BCL6: variants seen among roughly 807,000 people sequenced by gnomAD.
The protein encoded by BCL6 is B-cell lymphoma 6 protein.
A neutral mutation model predicts 59.5 loss-of-function variants in BCL6; 7 were observed. The observed-to-expected ratio is 0.12, with a 90% confidence interval of 0.07 to 0.22. The LOEUF is 0.22. BCL6 is among the 10% of genes least tolerant of loss of function. BCL6 has a pLI of 1.00. For missense variants in BCL6, 685 were observed against 939.4 expected, an observed-to-expected ratio of 0.73 and a Z score of 3.54; for synonymous variants, 339 against 349.7, an observed-to-expected ratio of 0.97 and a Z score of 0.34.
Position 187,735,358 on chromosome 3 carries a change from G to A in BCL6, c.-49-451C>T, listed in dbSNP as rs75479652. On this transcript the variant is annotated intron_variant, in intron 1 of 9. Coordinates refer to ENST00000406870, the MANE Select transcript of BCL6 (RefSeq NM_001706.5). ...ATCTTTCAAGCCTTAGAATGATTCC[G>A]CAAGGACGATAGGGCCAATATCTTT... Among the ~76,000 whole-genome samples the A allele has an allele frequency of 2.3e-3, 350 of 152,290 alleles. 4 individuals are homozygous for A. Among genetic ancestry groups the A allele is most frequent in the African/African-American group, 8.1e-3 (336 of 41,548 alleles).
At chr3:187,745,291 A>G (rs1711896623) in intron 1 of BCL6, 119 bp downstream of exon 1, 2 of 398,984 alleles carry the variant, frequency 5.0e-6, no homozygotes, top group South Asian at 1.2e-4. Context: ...GAGCGGAAAA[A>G]AAAAGAATTA....
At chr3:187,728,130 G>C (rs778787094) in intron 6 of BCL6, among the ~76,000 whole-genome samples, 11 of 152,192 alleles carry the variant, frequency 7.2e-5, no homozygotes, top group Non-Finnish European at 1.3e-4. Context: ...TGTATGGTAA[G>C]TCTTGATTAC....
At chr3:187,744,894 C>T (rs1275418985) in intron 1 of BCL6, among the ~76,000 whole-genome samples, 15 of 152,210 alleles carry the variant, frequency 9.9e-5, no homozygotes, top group South Asian at 6.2e-4. Context: ...CGTACGCAAG[C>T]AGCAGCAGAA....
chr3:187,726,848 C>A lies in BCL6; in HGVS notation c.1591G>T (p.Ala531Ser), dbSNP rs1718728894. The A allele has an allele frequency of 5.0e-6, 8 of 1,614,200 alleles. No individual in the cohort carries two copies. In the East Asian group the frequency reaches 1.6e-4, roughly 31 times the overall value. Residue 531 changes from alanine (A) to serine (S), a missense_variant, in exon 7 of 10, where the codon GCC becomes TCC. Around this residue, in one of 7 missense-constraint regions of BCL6, gnomAD observed 207 missense variants for 213.7 expected, o/e 0.97. Coordinates refer to ENST00000406870, the MANE Select transcript of BCL6 (RefSeq NM_001706.5). ...TGCAGCGTGTGCCTCTTGAGTGAGGCCTCCTCAGAGAAGCGGCAGTCACAC... is the reference window on the plus strand; with the variant it reads ...TGCAGCGTGTGCCTCTTGAGTGAGGACTCCTCAGAGAAGCGGCAGTCACAC... ...NECDCRFSEE[A>S]SLKRHTLQTH...
chr3:187,727,918 C>T lies in BCL6; in HGVS notation c.1540+442G>A, dbSNP rs529343499. On this transcript the variant is annotated intron_variant, in intron 6 of 9. Coordinates refer to ENST00000406870, the MANE Select transcript of BCL6 (RefSeq NM_001706.5). The stretch of plus-strand genomic sequence containing the variant: ...CGACTAATATTACTGAGTTCCTACC[C>T]CATGCTAGGGACTTACTACTACCTA... 2.2e-3 allele frequency among the ~76,000 whole-genome samples: 339 copies of T among 152,296 alleles called. 8 individuals carry two copies. The South Asian group carries it at 0.03, about 14-fold the overall frequency.
intron 1 of BCL6, among the ~76,000 whole-genome samples, chr3:187,744,593 A>G (rs1042891964): frequency 5.3e-5 from 8 of 152,078 alleles, no homozygotes; most frequent in South Asian, 2.1e-4. Context: ...CAAAAACAAA[A>G]ACCCAAAGAG....
intron 1 of BCL6, among the ~76,000 whole-genome samples, chr3:187,738,457 C>T (rs1719391797): frequency 6.6e-6 from 1 of 152,318 alleles, no homozygotes; most frequent in African/African-American, 2.4e-5. Flanking sequence ...ACAGGAGCTG[C>T]CAAGCCGTAA....
At chr3:187,744,074 G>T (rs2108482818) in intron 1 of BCL6, among the ~76,000 whole-genome samples, 1 of 152,180 alleles carries the variant, frequency 6.6e-6, no homozygotes, top group African/African-American at 2.4e-5. Flanking sequence ...GAAGCCTGGC[G>T]TCCACTACGC....
chr3:187,745,326 A>AGCGGCG, intron 1 of BCL6, 84 bp downstream of exon 1: 1 of 401,372 alleles, frequency 2.5e-6, no homozygotes, highest in East Asian at 3.6e-5. Context: ...GATCATGAGC[A>AGCGGCG]GCGGCGGCGG....
intron 1 of BCL6, among the ~76,000 whole-genome samples, chr3:187,744,739 A>C (rs574490191): frequency 6.6e-6 from 1 of 152,176 alleles, no homozygotes; most frequent in East Asian, 1.9e-4. Flanking sequence ...GTTACCCAGA[A>C]GGACAGGGGA....
At chr3:187,744,890 C>G (rs529555357) in intron 1 of BCL6, among the ~76,000 whole-genome samples, 5 of 152,224 alleles carry the variant, frequency 3.3e-5, no homozygotes, top group South Asian at 2.1e-4. Flanking sequence ...AAGCCGTACG[C>G]AAGCAGCAGC....
At chr3:187,730,074 T>C (rs565189528) in intron 4 of BCL6, 53 bp from the exon 5 acceptor site, 5 of 1,513,618 alleles carry the variant, frequency 3.3e-6, no homozygotes, top group Middle Eastern at 1.8e-4. Flanking sequence ...AACTGTTAAA[T>C]AGATGACCTT....
intron 1 of BCL6, 120 bp downstream of exon 1, chr3:187,745,290 A>C (rs187967938): frequency 2.5e-6 from 1 of 399,008 alleles, no homozygotes; most frequent in African/African-American, 2.1e-5. Context: ...AGAGCGGAAA[A>C]AAAAAGAATT....
At chr3:187,744,590 A>C (rs1188325302) in intron 1 of BCL6, among the ~76,000 whole-genome samples, 3 of 152,250 alleles carry the variant, frequency 2.0e-5, no homozygotes, top group East Asian at 1.9e-4. Flanking sequence ...AAACAAAAAC[A>C]AAAACCCAAA....
intron 3 of BCL6, chr3:187,732,328 C>G (rs532081913): frequency 8.5e-5 from 35 of 410,114 alleles, no homozygotes; most frequent in Non-Finnish European, 1.6e-4. Context: ...CCTTCTTGTT[C>G]CATTGCATTT....
intron 1 of BCL6, among the ~76,000 whole-genome samples, chr3:187,739,621 G>C (rs573710443): frequency 1.3e-5 from 2 of 152,310 alleles, no homozygotes; most frequent in East Asian, 3.9e-4. Context: ...CAATAAAACA[G>C]AGGGATGTGT....
At chr3:187,726,526 A>G (rs900050232) in intron 7 of BCL6, among the ~76,000 whole-genome samples, 1 of 152,210 alleles carries the variant, frequency 6.6e-6, no homozygotes, top group Non-Finnish European at 1.5e-5. Context: ...ATCTCAGAGG[A>G]AAGACAAAGG....
chr3:187,738,208 T>C lies in BCL6; in HGVS notation c.-49-3301A>G, dbSNP rs867536952. 2.0e-5 allele frequency among the ~76,000 whole-genome samples: 3 copies of C among 152,302 alleles called. No individual in the cohort carries two copies. In the South Asian group the frequency reaches 6.2e-4, roughly 32 times the overall value. ...CATATCGAGACTTTAAGTTGTCCGA[T>C]TCCGAAGTTTATTTGCTTTTTTCCC... On this transcript the variant is annotated intron_variant, in intron 1 of 9. Coordinates refer to ENST00000406870, the MANE Select transcript of BCL6 (RefSeq NM_001706.5).
intron 3 of BCL6, among the ~76,000 whole-genome samples, chr3:187,732,630 AGCTAT>A (rs140912658): frequency 0.056 from 8,460 of 152,288 alleles, 284 homozygotes; most frequent in Middle Eastern, 0.099. Context: ...TCCACCAAGT[AGCTAT>A]GCAACTTTGG....
Sources: gnomAD v4.1 joint callset for allele counts (sites outside exome capture counted in the v4.1 genomes callset) on GRCh38, gnomAD v4.1.1 for gene constraint, gnomAD v4.1.1 regional missense constraint, MANE v1.5 for transcripts, NCBI Gene and HGNC (gene_info 2026-07-23, HGNC 2026-07-21) for gene names.